Variants in ERC1 observed in about 807,000 individuals in gnomAD.
The protein encoded by ERC1 is RAB6 interacting protein 2.
In ERC1, 56 loss-of-function variants were observed where a neutral mutation model predicts 132.0. The observed-to-expected ratio is 0.42, with a 90% CI of 0.34 to 0.53. The LOEUF is 0.53. ERC1 is among the 20% of genes least tolerant of loss of function. ERC1 has a pLI of 0.03. For synonymous variants in ERC1, 478 were observed against 476.1 expected (o/e 1.00, Z -0.05); for missense variants, 1,202 against 1,349.9 (o/e 0.89, Z 1.72).
At chr12:1,260,772 C>T (rs771843872) in intron 13 of ERC1, among the ~76,000 whole-genome samples, 3 of 152,278 alleles carry the variant, frequency 2.0e-5, no homozygotes, top group Middle Eastern at 3.4e-3. Flanking sequence ...GATACAGTTG[C>T]GTTAGAGCAA....
chr12:1,455,614 C>A (rs146018668), intron 18 of ERC1, among the ~76,000 whole-genome samples: 1 of 152,324 alleles, frequency 6.6e-6, no homozygotes, highest in African/African-American at 2.4e-5. Flanking sequence ...ATGAATCCAG[C>A]ACTGACATTA....
chr12:1,218,263 CT>C (rs1958607915), intron 12 of ERC1, among the ~76,000 whole-genome samples: 1 of 152,150 alleles, frequency 6.6e-6, no homozygotes, highest in Non-Finnish European at 1.5e-5. Flanking sequence ...CCTCTGCTGC[CT>C]TTTCTGTTAA....
chr12:1,213,325 T>C (rs1317957423), intron 12 of ERC1, among the ~76,000 whole-genome samples: 1 of 152,172 alleles, frequency 6.6e-6, no homozygotes, highest in African/African-American at 2.4e-5. Flanking sequence ...ACAGATTCTG[T>C]GGAAGAACTA....
chr12:1,002,296 C>CT (rs1405165830), intron 1 of ERC1, among the ~76,000 whole-genome samples: 3 of 148,400 alleles, frequency 2.0e-5, no homozygotes, highest in Non-Finnish European at 3.0e-5. Flanking sequence ...ACCTCGGCCT[C>CT]CCAAGTAACT....
At chr12:1,269,996 C>T (rs2077720479) in intron 14 of ERC1, among the ~76,000 whole-genome samples, 1 of 152,072 alleles carries the variant, frequency 6.6e-6, no homozygotes, top group Non-Finnish European at 1.5e-5. Context: ...GAAATAAAAC[C>T]TAATTAAGTT....
chr12:1,472,021 A>G (rs1168626592), intron 18 of ERC1, among the ~76,000 whole-genome samples: 2 of 152,234 alleles, frequency 1.3e-5, no homozygotes, highest in East Asian at 3.8e-4. Flanking sequence ...TGGGACTAGT[A>G]GTTCCTGTAG....
intron 2 of ERC1, among the ~76,000 whole-genome samples, chr12:1,032,010 C>G (rs1251077602): frequency 6.6e-6 from 1 of 151,470 alleles, no homozygotes; most frequent in East Asian, 1.9e-4. Flanking sequence ...AGAAACCACT[C>G]TTGGGATCTT....
At position 1,493,540 on chromosome 12, in the gene ERC1, A is replaced by AT. The variant is rs59708005; in HGVS notation, c.*3310_*3311insT. 4.5e-5 allele frequency: 1 copy of AT among 22,392 alleles called. No individual in the cohort carries two copies. Among genetic ancestry groups the AT allele is most frequent in the Non-Finnish European group, 9.9e-5 (1 of 10,140 alleles). The allele number at this position is 22,392 out of a possible 1,614,324, so 1.4% of individuals were successfully genotyped here. On this transcript the variant is annotated 3_prime_UTR_variant, in exon 19 of 19. Coordinates refer to ENST00000360905, the MANE Select transcript of ERC1 (RefSeq NM_178040.4). ...TGACAGAGACTCCATTTAAAAAAAA[A>AT]AAAAAAAAATATATATATATATATA...
chr12:1,245,480 A>C (rs778278080), intron 13 of ERC1, among the ~76,000 whole-genome samples: 1 of 152,238 alleles, frequency 6.6e-6, no homozygotes, highest in Non-Finnish European at 1.5e-5. Flanking sequence ...TATTTAATTC[A>C]GAATTCCACA....
chr12:991,136 G>C (rs886629196), upstream of ERC1: 3 of 151,510 alleles, frequency 2.0e-5, no homozygotes, highest in African/African-American at 7.3e-5. Flanking sequence ...CAGCCGAGCC[G>C]GGAGCCCGGG....
intron 1 of ERC1, among the ~76,000 whole-genome samples, chr12:1,019,499 G>A (rs1186244787): frequency 6.6e-6 from 1 of 152,218 alleles, no homozygotes; most frequent in Admixed American, 6.5e-5. Flanking sequence ...CACATGTCAT[G>A]TAGCTCTGGA....
At chr12:1,158,256 A>G (rs1036179860) in intron 8 of ERC1, among the ~76,000 whole-genome samples, 4 of 152,064 alleles carry the variant, frequency 2.6e-5, no homozygotes, top group African/African-American at 7.2e-5. Flanking sequence ...AACTTTTGTT[A>G]TATTTTGCTG....
intron 2 of ERC1, among the ~76,000 whole-genome samples, chr12:1,062,419 G>T (rs1245269398): frequency 6.6e-6 from 1 of 152,124 alleles, no homozygotes; most frequent in Non-Finnish European, 1.5e-5. Context: ...ACCACACCTT[G>T]TCATTATGTT....
intron 13 of ERC1, among the ~76,000 whole-genome samples, chr12:1,260,334 G>A (rs935178517): frequency 5.3e-5 from 8 of 152,046 alleles, no homozygotes; most frequent in African/African-American, 1.9e-4. Context: ...ATCATTTTTG[G>A]CCTTTCTAAA....
intron 17 of ERC1, among the ~76,000 whole-genome samples, chr12:1,426,254 C>T (rs1210088874): frequency 6.6e-6 from 1 of 152,112 alleles, no homozygotes; most frequent in African/African-American, 2.4e-5. Context: ...CAAGTGCGTG[C>T]ACCACCACAC....
At chr12:1,239,288 C>T (rs2075639004) in intron 13 of ERC1, among the ~76,000 whole-genome samples, 1 of 152,018 alleles carries the variant, frequency 6.6e-6, no homozygotes, top group Non-Finnish European at 1.5e-5. Context: ...ACTCCTGGCT[C>T]CACACGAACC....
At chr12:1,387,737 A>G (rs938547086) in intron 16 of ERC1, among the ~76,000 whole-genome samples, 1 of 152,206 alleles carries the variant, frequency 6.6e-6, no homozygotes, top group African/African-American at 2.4e-5. Flanking sequence ...GGCCCTGCCA[A>G]CACCATACTT....
intron 2 of ERC1, among the ~76,000 whole-genome samples, chr12:1,064,584 G>A (rs905325471): frequency 1.3e-5 from 2 of 152,110 alleles, no homozygotes; most frequent in Admixed American, 6.6e-5. Context: ...TGTATAGATA[G>A]GGTCTTGCTA....
intron 1 of ERC1, among the ~76,000 whole-genome samples, chr12:995,021 A>C (rs1960516681): frequency 6.6e-6 from 1 of 151,934 alleles, no homozygotes; most frequent in Admixed American, 6.6e-5. Context: ...TCTTGAACCC[A>C]GGAGGCGGAG....
Sources: allele counts gnomAD v4.1 joint callset (sites outside exome capture counted in the v4.1 genomes callset), GRCh38; gene constraint gnomAD v4.1.1; transcripts MANE v1.5; gene names NCBI Gene and HGNC (gene_info 2026-07-23, HGNC 2026-07-21).